SYNC: variants seen among roughly 807,000 people sequenced by gnomAD.
The protein encoded by SYNC is syncoilin, intermediate filament protein.
A neutral mutation model predicts 49.5 loss-of-function variants in SYNC; 38 were observed. The ratio of observed to expected loss-of-function variants is 0.77; its 90% CI spans 0.59 to 1.01. SYNC has a LOEUF of 1.01. Among genes scored for constraint, SYNC ranks in the 50% least tolerant of loss-of-function variants. The probability of loss-of-function intolerance (pLI) is 0.00; values close to 1 mark genes in which losing one functional copy is unlikely to be tolerated. For synonymous variants in SYNC, 201 were observed against 230.8 expected, an observed-to-expected ratio of 0.87 and a Z score of 1.17; for missense variants, 579 against 580.6, an observed-to-expected ratio of 1.00 and a Z score of 0.03.
chr1:32,699,908 ATT>A, intron 1 of SYNC, among the ~76,000 whole-genome samples: 1 of 151,432 alleles, frequency 6.6e-6, no homozygotes, highest in East Asian at 2.0e-4. Flanking sequence ...AATTTTTTGT[ATT>A]TTTAGAAGAG....
upstream of SYNC, among the ~76,000 whole-genome samples, chr1:32,703,306 G>A (rs1181647517): frequency 6.6e-6 from 1 of 152,158 alleles, no homozygotes; most frequent in Admixed American, 6.5e-5. Context: ...TGGGTGGCTG[G>A]GGTTAGAGAG....
intron 2 of SYNC, among the ~76,000 whole-genome samples, chr1:32,687,664 C>T (rs543077856): frequency 1.5e-3 from 117 of 80,264 alleles, no homozygotes; most frequent in African/African-American, 3.8e-3. Flanking sequence ...GAGCGAGGCT[C>T]CGTCTCAAAA....
At chr1:32,699,304 C>T (rs1459806327) in intron 1 of SYNC, among the ~76,000 whole-genome samples, 4 of 151,828 alleles carry the variant, frequency 2.6e-5, no homozygotes, top group Non-Finnish European at 5.9e-5. Flanking sequence ...TAGGTGCCTG[C>T]CACCACGCCT....
rs1299401901 is a variant in SYNC, at chr1:32,701,607, G to T, written c.53+1001C>A. 2.0e-5 allele frequency among the ~76,000 whole-genome samples: 3 copies of T among 152,290 alleles called. No homozygotes were observed. The East Asian group carries it at 5.8e-4, about 29-fold the overall frequency. ...CTGCCTCCACCACCCCACCCATGGT[G>T]CCAGGCCTCTGCTGGGTGCTGCCCT... On this transcript the variant is annotated intron_variant, in intron 1 of 4. Coordinates refer to ENST00000409190, the MANE Select transcript of SYNC (RefSeq NM_030786.3).
Position 32,695,877 on chromosome 1 carries a change from T to A in SYNC, c.221A>T (p.Gln74Leu). The A allele has an allele frequency of 6.4e-7, 1 of 1,552,144 alleles. No homozygotes were observed. The highest frequency in any genetic ancestry group is 8.7e-7 in the Non-Finnish European group (1 of 1,147,098). Residue 74 changes from glutamine to leucine, a missense_variant, in exon 2 of 5, where the codon CAA (glutamine) becomes CTA (leucine). Physicochemically the swap from Gln to Leu is moderately radical, Grantham distance 113. Coordinates refer to ENST00000409190, the MANE Select transcript of SYNC (RefSeq NM_030786.3). ...TGDLDETLYV[Q>L]ETEKAEEALY... Reference sequence around the variant, plus strand: ...GGCCTCCTCTGCCTTCTCAGTCTCTTGCACATAGAGTGTCTCATCAAGGTC... The same window carrying A: ...GGCCTCCTCTGCCTTCTCAGTCTCTAGCACATAGAGTGTCTCATCAAGGTC...
At chr1:32,687,189 G>A (rs769073366) in intron 2 of SYNC, among the ~76,000 whole-genome samples, 2 of 151,698 alleles carry the variant, frequency 1.3e-5, no homozygotes, top group African/African-American at 2.4e-5. Flanking sequence ...GTGAAACCCA[G>A]CCTCTACTAA....
chr1:32,702,562 A>AC lies in SYNC; in HGVS notation c.53+45dup. 8.4e-7 allele frequency: 1 copy of AC among 1,186,932 alleles called. No homozygotes were observed. The highest frequency in any genetic ancestry group is 1.0e-6 in the Non-Finnish European group (1 of 960,328). The allele number at this position is 1,186,932 out of a possible 1,614,324, so 73.5% of individuals were successfully genotyped here. A position where few individuals can be genotyped will look rare whatever the true frequency, so the allele number is the denominator to read the frequency against. ...GGGGAAAGGGAACCCGTCCAGCAGC[A>AC]CCCCTTCCCCAGCGGGGCGGCGACG... On this transcript the variant is annotated intron_variant, in intron 1 of 4. Coordinates refer to ENST00000409190, the MANE Select transcript of SYNC (RefSeq NM_030786.3). The surrounding 1 kb of genome is among the most constrained non-coding windows in gnomAD (Gnocchi z 6.2).
At chr1:32,697,758 C>A (rs551431332) in intron 1 of SYNC, among the ~76,000 whole-genome samples, 1 of 151,984 alleles carries the variant, frequency 6.6e-6, no homozygotes, top group East Asian at 1.9e-4. Context: ...AAAAACCCAG[C>A]TTATCTTTGT....
chr1:32,683,942 G>C, intron 4 of SYNC, 68 bp downstream of exon 4: 2 of 1,514,828 alleles, frequency 1.3e-6, no homozygotes, highest in East Asian at 2.3e-5. Context: ...CTGTTTTTAA[G>C]GCATTAATTA....
At chr1:32,697,368 G>T (rs551609385) in intron 1 of SYNC, among the ~76,000 whole-genome samples, 2 of 151,612 alleles carry the variant, frequency 1.3e-5, no homozygotes, top group Admixed American at 1.3e-4. Context: ...CTTCAAAGAG[G>T]CAGAGGTTGC....
intron 4 of SYNC, chr1:32,683,280 AAAAAAG>A (rs1428150771): frequency 1.3e-5 from 2 of 152,124 alleles, no homozygotes; most frequent in African/African-American, 2.4e-5. Flanking sequence ...AAAAAAAAAA[AAAAAAG>A]AGTAAGTCTG....
At chr1:32,701,437 A>G (rs755442444) in intron 1 of SYNC, among the ~76,000 whole-genome samples, 2 of 152,132 alleles carry the variant, frequency 1.3e-5, no homozygotes, top group Admixed American at 1.3e-4. Context: ...ATTCTGCTCT[A>G]TATCCTAGGG....
intron 2 of SYNC, 48 bp downstream of exon 2, chr1:32,694,817 T>C (rs1650326688): frequency 6.7e-7 from 1 of 1,497,466 alleles, no homozygotes; most frequent in Non-Finnish European, 9.0e-7. Flanking sequence ...TGGCCACTCT[T>C]TCCCCAGGTT....
chr1:32,691,532 G>A (rs1650166592), intron 2 of SYNC, among the ~76,000 whole-genome samples: 1 of 139,088 alleles, frequency 7.2e-6, no homozygotes, highest in South Asian at 2.5e-4. Context: ...CAGCATGGGT[G>A]ACAGAGGGAG....
Sources: gnomAD v4.1 joint callset for allele counts (sites outside exome capture counted in the v4.1 genomes callset) on GRCh38, gnomAD v4.1.1 for gene constraint, Gnocchi (gnomAD v3.1) non-coding constraint, MANE v1.5 for transcripts, NCBI Gene and HGNC (gene_info 2026-07-23, HGNC 2026-07-21) for gene names.